PCDH15: variants seen among roughly 807,000 people sequenced by gnomAD.
PCDH15 encodes the protein protocadherin related 15, also known as protocadherin-15.
A neutral mutation model predicts 178.5 loss-of-function variants in PCDH15; 129 were observed. The ratio of observed to expected loss-of-function variants is 0.72; its 90% CI spans 0.63 to 0.84. PCDH15 has a LOEUF of 0.84. PCDH15 is among the 40% of genes least tolerant of loss of function. The pLI, the probability that PCDH15 is intolerant of heterozygous loss-of-function variation, is 0.00. For synonymous variants in PCDH15, 800 were observed against 732.0 expected (o/e 1.09, Z -1.50); for missense variants, 2,230 against 2,099.9 (o/e 1.06, Z -1.21).
At chr10:54,465,233 C>T (rs947481752) in intron 3 of PCDH15, among the ~76,000 whole-genome samples, 8 of 151,994 alleles carry the variant, frequency 5.3e-5, no homozygotes, top group African/African-American at 1.7e-4. Context: ...CCCTAGAATA[C>T]TTTTCATCTC....
At chr10:54,482,875 T>G (rs2078824845) in intron 3 of PCDH15, among the ~76,000 whole-genome samples, 1 of 151,772 alleles carries the variant, frequency 6.6e-6, no homozygotes, top group South Asian at 2.1e-4. Flanking sequence ...ATCCAGAGAA[T>G]AGAGCTTGCA....
chr10:55,573,339 C>A (rs561562755), intron 2 of PCDH15, among the ~76,000 whole-genome samples: 1 of 152,198 alleles, frequency 6.6e-6, no homozygotes, highest in African/African-American at 2.4e-5. Flanking sequence ...CCCTTATATT[C>A]CAGCAGCCAC....
At chr10:54,178,723 A>C (rs946572988) in intron 13 of PCDH15, among the ~76,000 whole-genome samples, 14 of 119,506 alleles carry the variant, frequency 1.2e-4, no homozygotes, top group Non-Finnish European at 1.7e-4. Context: ...ACAAATTTAC[A>C]AGAAAAAAAC....
At chr10:54,124,101 A>T (rs2132918960) in intron 15 of PCDH15, among the ~76,000 whole-genome samples, 1 of 152,296 alleles carries the variant, frequency 6.6e-6, no homozygotes. Flanking sequence ...CCCAAACATC[A>T]GCATCATGTG....
intron 2 of PCDH15, among the ~76,000 whole-genome samples, chr10:55,053,109 T>C (rs1019515730): frequency 6.6e-6 from 1 of 152,234 alleles, no homozygotes; most frequent in South Asian, 2.1e-4. Flanking sequence ...TCCTATTATA[T>C]GTGGCTGACA....
intron 3 of PCDH15, among the ~76,000 whole-genome samples, chr10:54,517,034 C>G (rs1274369215): frequency 6.6e-6 from 1 of 152,056 alleles, no homozygotes; most frequent in African/African-American, 2.4e-5. Context: ...ACCACCAGGC[C>G]TGCCCCAAAA....
At chr10:54,954,123 G>A (rs908131539) in intron 2 of PCDH15, among the ~76,000 whole-genome samples, 2 of 151,068 alleles carry the variant, frequency 1.3e-5, no homozygotes, top group African/African-American at 2.4e-5. Context: ...TCTCTGAATC[G>A]TGTCCTATCA....
chr10:55,444,129 T>C (rs1335426724), intron 2 of PCDH15, among the ~76,000 whole-genome samples: 1 of 149,738 alleles, frequency 6.7e-6, no homozygotes, highest in Non-Finnish European at 1.5e-5. Flanking sequence ...CACCGGGGCC[T>C]ATCGGGGGGT....
chr10:54,974,063 A>T (rs1839005079), intron 2 of PCDH15, among the ~76,000 whole-genome samples: 1 of 150,688 alleles, frequency 6.6e-6, no homozygotes, highest in African/African-American at 2.4e-5. Flanking sequence ...TCTCTCACAC[A>T]CACACACACA....
chr10:54,627,050 G>A (rs2093574701), intron 2 of PCDH15, among the ~76,000 whole-genome samples: 1 of 152,148 alleles, frequency 6.6e-6, no homozygotes, highest in Non-Finnish European at 1.5e-5. Flanking sequence ...CTTTGCTTCG[G>A]CAAATTTCTC....
chr10:55,291,620 T>A lies in PCDH15; in HGVS notation c.-156+27979A>T, dbSNP rs117997163. On this transcript the variant is annotated intron_variant, in intron 1 of 5. Transcript: ENST00000458638. ...TTAAAGAAAAGACAATGTAATTCAA[T>A]GAAGAAAATTTACCAAGCTCTCAGA... 2.0e-5 allele frequency among the ~76,000 whole-genome samples: 3 copies of A among 152,314 alleles called. No individual in the cohort carries two copies. The East Asian group carries it at 5.8e-4, about 29-fold the overall frequency.
chr10:54,652,763 A>T (rs2094291122), intron 2 of PCDH15, among the ~76,000 whole-genome samples: 1 of 152,120 alleles, frequency 6.6e-6, no homozygotes, highest in African/African-American at 2.4e-5. Flanking sequence ...CTCAACTAGT[A>T]CCTTGATCTT....
At chr10:54,317,841 T>C (rs1479478589) in intron 7 of PCDH15, among the ~76,000 whole-genome samples, 1 of 151,878 alleles carries the variant, frequency 6.6e-6, no homozygotes, top group Non-Finnish European at 1.5e-5. Context: ...AAAAGATTGG[T>C]AAATTAACTT....
Position 54,346,783 on chromosome 10 carries a change from C to T in PCDH15, c.475-299G>A, listed in dbSNP as rs1342276. Among the ~76,000 whole-genome samples the T allele has an allele frequency of 0.12, 18,013 of 152,174 alleles. 1,912 individuals carry two copies. Among genetic ancestry groups the T allele is most frequent in the African/African-American group, 0.29 (11,928 of 41,478 alleles). On this transcript the variant is annotated intron_variant, in intron 5 of 37. Coordinates refer to ENST00000644397, the MANE Select transcript of PCDH15 (RefSeq NM_001384140.1). ...TAGTATGTTAGCTCCTGTGGAGAAA[C>T]TGCATCTGTTGTTTCTCCTCAAAAC...
rs371788563 is a variant in PCDH15, at chr10:54,985,373, A to C, written c.-79-87873T>G. On this transcript the variant is annotated intron_variant, in intron 2 of 5. Transcript: ENST00000458638. ...ATGTATGCATATATACATATGCATA[A>C]GTATTTAATATGTAGTATAGATGCT... Among the ~76,000 whole-genome samples, 3 of 152,330 alleles carry C rather than the reference A, an allele frequency of 2.0e-5. No homozygotes were observed. The East Asian group carries it at 5.8e-4, about 29-fold the overall frequency.
At chr10:55,031,767 C>T (rs535960960) in intron 2 of PCDH15, among the ~76,000 whole-genome samples, 7 of 152,158 alleles carry the variant, frequency 4.6e-5, no homozygotes, top group Non-Finnish European at 8.8e-5. Flanking sequence ...ATACAGTGTT[C>T]CTCCCCTCTG....
intron 15 of PCDH15, among the ~76,000 whole-genome samples, chr10:54,115,389 C>G (rs1490449622): frequency 6.6e-6 from 1 of 152,164 alleles, no homozygotes; most frequent in Non-Finnish European, 1.5e-5. Flanking sequence ...ATAAAAAACA[C>G]CATGATATGC....
rs772952665 is a variant in PCDH15, at chr10:54,183,454, C to A, written c.1580G>T (p.Ser527Ile). The A allele has an allele frequency of 1.2e-6, 2 of 1,612,326 alleles. No individual in the cohort carries two copies. The highest frequency in any genetic ancestry group is 2.7e-5 in the African/African-American group (2 of 74,862). Residue 527 changes from serine to isoleucine, a missense_variant, in exon 13 of 38, where the codon AGT (serine) becomes ATT (isoleucine). Ser to Ile is a moderately radical substitution (Grantham distance 142). Transcript: ENST00000644397. Reference sequence around the variant, plus strand: ...TATGTGAGTAGTTACCTGTATGACACTGTCCCCAGGTCTCATGTCTGTATA... The same window carrying A: ...TATGTGAGTAGTTACCTGTATGACAATGTCCCCAGGTCTCATGTCTGTATA... ...YVYTDMRPGD[S>I]VIQLTAVDAD...
chr10:55,530,815 A>G (rs917452071), intron 2 of PCDH15, among the ~76,000 whole-genome samples: 2 of 152,108 alleles, frequency 1.3e-5, no homozygotes, highest in East Asian at 1.9e-4. Flanking sequence ...AGGAAGCAGG[A>G]TTATTTTAAA....
Sources: allele counts gnomAD v4.1 joint callset (sites outside exome capture counted in the v4.1 genomes callset), GRCh38; gene constraint gnomAD v4.1.1; transcripts MANE v1.5; gene names NCBI Gene and HGNC (gene_info 2026-07-23, HGNC 2026-07-21).